The following ADGRF1 variants were observed in gnomAD, a reference collection of about 807,000 sequenced individuals.
ADGRF1 encodes G protein-coupled receptor 110.
A neutral mutation model predicts 87.2 loss-of-function variants in ADGRF1; 85 were observed. That is an observed-to-expected ratio of 0.97 (90% CI 0.82 to 1.17). The LOEUF is 1.17. Among genes scored for constraint, ADGRF1 ranks in the 50% most tolerant of loss-of-function variants. ADGRF1 has a pLI of 0.00. For synonymous variants in ADGRF1, 430 were observed against 408.8 expected, an observed-to-expected ratio of 1.05 and a Z score of -0.63; for missense variants, 1,169 against 1,077.2, an observed-to-expected ratio of 1.09 and a Z score of -1.19.
rs922990720 is a variant in ADGRF1, at chr6:47,029,237, G to A, written c.-43-133C>T. ...CTGGGTGTTTATGTTTCCACTCCAC[G>A]GAACCTGTGACATCATGACTTCTGC... On this transcript the variant is annotated intron_variant, in intron 1 of 14. Coordinates refer to ENST00000371253, the MANE Select transcript of ADGRF1 (RefSeq NM_153840.4). 3.5e-5 allele frequency: 21 copies of A among 593,910 alleles called. 1 individual carries two copies. Among genetic ancestry groups the A allele is most frequent in the East Asian group, 8.4e-5 (3 of 35,862 alleles). The allele number at this position is 593,910 out of a possible 1,614,324, so 36.8% of individuals were successfully genotyped here. A position where few individuals can be genotyped will look rare whatever the true frequency, so the allele number is the denominator to read the frequency against.
intron 14 of ADGRF1, among the ~76,000 whole-genome samples, chr6:47,000,832 T>C (rs1307605519): frequency 6.6e-6 from 1 of 152,244 alleles, no homozygotes; most frequent in Non-Finnish European, 1.5e-5. Flanking sequence ...CTTTAACTCT[T>C]AAGCATGGTT....
intron 9 of ADGRF1, chr6:47,013,737 G>T: frequency 1.3e-6 from 1 of 785,160 alleles, no homozygotes; most frequent in Non-Finnish European, 1.5e-6. Flanking sequence ...GGTGGGGCTT[G>T]GTGGGAGATG....
intron 7 of ADGRF1, chr6:47,019,397 G>T: frequency 1.0e-6 from 1 of 984,898 alleles, no homozygotes; most frequent in South Asian, 4.7e-5. Flanking sequence ...AATTTCCTAT[G>T]GGTTGGCCAG....
rs757764146 is a variant in ADGRF1 at position 47,025,956 on chromosome 6, A to C, written c.175T>G (p.Ser59Ala). The C allele has an allele frequency of 5.6e-6, 9 of 1,611,702 alleles. No homozygotes were observed. The highest frequency in any genetic ancestry group is 5.0e-5 in the Admixed American group (3 of 59,988). ...TTTCTCAAATCTCTTTTCTCCTTGGAATCTCTATAGGTCACCTGAAGCAGC... is the reference window on the plus strand; with the variant it reads ...TTTCTCAAATCTCTTTTCTCCTTGGCATCTCTATAGGTCACCTGAAGCAGC... ...QLLLQVTYRD[S>A]KEKRDLRNFL... Residue 59 changes from serine (S) to alanine (A), a missense_variant, in exon 4 of 15, where the codon TCC becomes GCC. By Grantham distance (99) the Ser-to-Ala change is moderately conservative. Transcript: ENST00000371253.
intron 13 of ADGRF1, among the ~76,000 whole-genome samples, chr6:47,003,145 G>A (rs1449580173): frequency 6.6e-6 from 1 of 151,746 alleles, no homozygotes; most frequent in Non-Finnish European, 1.5e-5. Context: ...TTGAGGTTAT[G>A]ATGGGAAGTG....
chr6:47,034,873 T>C (rs1163748642), intron 1 of ADGRF1, among the ~76,000 whole-genome samples: 1 of 152,234 alleles, frequency 6.6e-6, no homozygotes, highest in Non-Finnish European at 1.5e-5. Flanking sequence ...CCTTTGCCAC[T>C]CATTAGAACT....
chr6:47,005,390 A>G (rs1779493471), intron 13 of ADGRF1, among the ~76,000 whole-genome samples: 1 of 152,192 alleles, frequency 6.6e-6, no homozygotes, highest in African/African-American at 2.4e-5. Context: ...AAGTTAACCA[A>G]ATTTAAAGAC....
At chr6:47,017,020 T>C (rs1390479476) in intron 7 of ADGRF1, 1 of 211,746 alleles carries the variant, frequency 4.7e-6, no homozygotes, top group Non-Finnish European at 8.4e-6. Flanking sequence ...TAAATAAAGC[T>C]GGTTATGGAA....
At chr6:47,002,338 T>C (rs1338612740) in intron 13 of ADGRF1, among the ~76,000 whole-genome samples, 2 of 151,864 alleles carry the variant, frequency 1.3e-5, no homozygotes, top group African/African-American at 4.8e-5. Flanking sequence ...GATAGACCAG[T>C]GATAGTTTTT....
intron 7 of ADGRF1, chr6:47,018,769 A>G: frequency 3.3e-6 from 1 of 303,874 alleles, no homozygotes; most frequent in Non-Finnish European, 6.2e-6. Flanking sequence ...ATTTTTTTAA[A>G]AGAGATTTAT....
chr6:47,012,124 G>C lies in ADGRF1; in HGVS notation c.999C>G (p.Ile333Met), dbSNP rs138499769. Residue 333 changes from isoleucine to methionine, a missense_variant, in exon 10 of 15, where the codon ATC (isoleucine) becomes ATG (methionine). Ile to Met is a conservative substitution (Grantham distance 10). Coordinates refer to ENST00000371253, the MANE Select transcript of ADGRF1 (RefSeq NM_153840.4). Reference protein sequence around the residue: ...VSSFVQNLSVIIRQNPSTTVG... With the variant: ...VSSFVQNLSVMIRQNPSTTVG... ...CTGTGGTTGATGGGTTTTGCCGAAT[G>C]ATGACAGAAAGATTTTGCACGAAGG... 5 of 1,613,994 alleles carry C rather than the reference G, an allele frequency of 3.1e-6. No individual in the cohort carries two copies. Among genetic ancestry groups the C allele is most frequent in the Non-Finnish European group, 4.2e-6 (5 of 1,179,966 alleles).
intron 1 of ADGRF1, among the ~76,000 whole-genome samples, chr6:47,032,355 G>A (rs913079128): frequency 2.0e-5 from 3 of 152,030 alleles, no homozygotes; most frequent in African/African-American, 7.3e-5. Flanking sequence ...AAAATACAAG[G>A]TACCCTCAAA....
At chr6:47,006,178 T>C (rs1468647211) in intron 12 of ADGRF1, among the ~76,000 whole-genome samples, 1 of 152,138 alleles carries the variant, frequency 6.6e-6, no homozygotes, top group African/African-American at 2.4e-5. Flanking sequence ...CCTAACCACA[T>C]GAATGGTAAG....
At chr6:47,015,189 T>G (rs1479088083) in intron 8 of ADGRF1, among the ~76,000 whole-genome samples, 1 of 152,208 alleles carries the variant, frequency 6.6e-6, no homozygotes, top group East Asian at 1.9e-4. Flanking sequence ...TAAAGGAACA[T>G]TAGAAAGCCA....
chr6:47,027,478 T>C (rs903171357), intron 3 of ADGRF1, among the ~76,000 whole-genome samples: 7 of 152,240 alleles, frequency 4.6e-5, no homozygotes, highest in Non-Finnish European at 5.9e-5. Flanking sequence ...AGGGCGTGTG[T>C]GAACAGCTAC....
chr6:47,036,014 T>C (rs759814904), intron 1 of ADGRF1, among the ~76,000 whole-genome samples: 33 of 152,186 alleles, frequency 2.2e-4, no homozygotes, highest in Non-Finnish European at 4.3e-4. Context: ...GTGCATTGCT[T>C]GAGCTCAGGA....
At position 47,021,960 on chromosome 6, in the gene ADGRF1, G is replaced by C; in HGVS notation, c.550C>G (p.Gln184Glu). 1 of 1,537,986 alleles carries C rather than the reference G, an allele frequency of 6.5e-7. No homozygotes were observed. The highest frequency in any genetic ancestry group is 8.9e-7 in the Non-Finnish European group (1 of 1,119,958). The change falls in exon 6 of 15, where the codon CAA becomes GAA. Residue 184 changes from glutamine to glutamate, a missense_variant and splice_region_variant. Gln to Glu is a conservative substitution (Grantham distance 29). Coordinates refer to ENST00000371253, the MANE Select transcript of ADGRF1 (RefSeq NM_153840.4). ...TATAATAAGTAGAAAGTGCTTACTT[G>C]AATTTCAATTCCATTTGCATATTTG... ...YSKYANGIEI[Q>E]LKKAYERIQG...
At chr6:47,027,817 A>C in intron 2 of ADGRF1, 56 bp from the exon 3 acceptor site, 1 of 1,018,108 alleles carries the variant, frequency 9.8e-7, no homozygotes, top group Non-Finnish European at 1.5e-6. Flanking sequence ...GTGCTTCATA[A>C]GGCCTTGCTG....
At position 47,009,911 on chromosome 6, in the gene ADGRF1, C is replaced by T. The variant is rs571038697; in HGVS notation, c.1524G>A (p.Thr508=). The change falls in exon 11 of 15, where the codon ACG becomes ACA. Residue 508 remains threonine, a synonymous_variant. Coordinates refer to ENST00000371253, the MANE Select transcript of ADGRF1 (RefSeq NM_153840.4). ...NAQVNGPVIS[T]VIQNYSINEV... is the part of the protein sequence containing the mutation. ...CATTTATGGAATAGTTTTGAATAAC[C>T]GTGGATATCACAGGTCCATTGACCT... 1.2e-5 allele frequency: 20 copies of T among 1,613,974 alleles called. No individual in the cohort carries two copies. The South Asian group carries it at 2.1e-4, about 17-fold the overall frequency.
Sources: gnomAD v4.1 joint callset for allele counts (sites outside exome capture counted in the v4.1 genomes callset) on GRCh38, gnomAD v4.1.1 for gene constraint, MANE v1.5 for transcripts, NCBI Gene and HGNC (gene_info 2026-07-23, HGNC 2026-07-21) for gene names.